RPL23A: variants seen among roughly 807,000 people sequenced by gnomAD.
RPL23A encodes large ribosomal subunit protein uL23.
In RPL23A, 2 loss-of-function variants were observed where a neutral mutation model predicts 17.6. The observed-to-expected ratio is 0.11, with a 90% confidence interval of 0.05 to 0.36. The LOEUF is 0.36. Among genes scored for constraint, RPL23A ranks in the 10% least tolerant of loss-of-function variants. The pLI, the probability that RPL23A is intolerant of heterozygous loss-of-function variation, is 1.00. For missense variants in RPL23A, 132 were observed against 194.4 expected, an observed-to-expected ratio of 0.68 and a Z score of 1.91; for synonymous variants, 65 against 74.3, an observed-to-expected ratio of 0.87 and a Z score of 0.65.
chr17:28,722,998 G>A, intron 3 of RPL23A, 99 bp downstream of exon 3: 2 of 875,066 alleles, frequency 2.3e-6, no homozygotes, highest in Non-Finnish European at 3.7e-6. Context: ...AGGTAGTCCT[G>A]GTAATGCAGG....
At chr17:28,721,098 T>C (rs559475811) in intron 2 of RPL23A, 1 of 478,640 alleles carries the variant, frequency 2.1e-6, no homozygotes, top group East Asian at 4.1e-5. Flanking sequence ...ACGTCTGTAA[T>C]CCCAGCACTT....
rs2034171444 is a variant in RPL23A at position 28,724,308 on chromosome 17, G to T, written c.*427G>T. Reference sequence around the variant, plus strand: ...CCCATCTACTATGTCCAACCGGTCTGTCTGCTTCCCTCACCCCTTGCCCAA... The same window carrying T: ...CCCATCTACTATGTCCAACCGGTCTTTCTGCTTCCCTCACCCCTTGCCCAA... On this transcript the variant is annotated 3_prime_UTR_variant, in exon 5 of 5. Transcript: ENST00000422514. 2 of 721,858 alleles carry T rather than the reference G, an allele frequency of 2.8e-6. No homozygotes were observed. The highest frequency in any genetic ancestry group is 3.5e-5 in the African/African-American group (2 of 56,776). 44.7% of individuals were successfully genotyped at this position (721,858 alleles called of 1,614,324 possible).
chr17:28,721,174 G>A (rs117326562), intron 2 of RPL23A: 6,396 of 301,236 alleles, frequency 0.021, 95 homozygotes, highest in Non-Finnish European at 0.029. Flanking sequence ...GTGACATGGA[G>A]AAACCCCGCG....
intron 1 of RPL23A, 158 bp downstream of exon 1, chr17:28,720,188 G>A: frequency 1.3e-6 from 2 of 1,530,930 alleles, no homozygotes; most frequent in Non-Finnish European, 8.8e-7. Flanking sequence ...GGGCCGCGTG[G>A]GCCCAGCCTC....
Position 28,720,837 on chromosome 17 carries a change from G to C in RPL23A, c.156G>C (p.Leu52=). ...TSPTFRRPKT[L]RLRRQPKYPR... ...CCACCTTCCGGCGGCCGAAGACACT[G>C]CGACTCCGGAGACAGCCCAAATATC... Residue 52 remains leucine, a synonymous_variant, in exon 2 of 5, where the codon CTG becomes CTC. Coordinates refer to ENST00000422514, the MANE Select transcript of RPL23A (RefSeq NM_000984.6). 1 of 1,614,122 alleles carries C rather than the reference G, an allele frequency of 6.2e-7. No homozygotes were observed. The highest frequency in any genetic ancestry group is 8.5e-7 in the Non-Finnish European group (1 of 1,179,954).
chr17:28,722,188 G>T (rs987169791), intron 2 of RPL23A, among the ~76,000 whole-genome samples: 1 of 150,520 alleles, frequency 6.6e-6, no homozygotes, highest in South Asian at 2.1e-4. Flanking sequence ...GGCGGAGCTT[G>T]CAGCGAGCCG....
At chr17:28,722,124 C>T (rs2034125654) in intron 2 of RPL23A, among the ~76,000 whole-genome samples, 1 of 148,918 alleles carries the variant, frequency 6.7e-6, no homozygotes, top group Non-Finnish European at 1.5e-5. Flanking sequence ...GCAGGCGCCG[C>T]TAGTCCCACT....
chr17:28,720,130 T>G, intron 1 of RPL23A, 100 bp downstream of exon 1: 2 of 1,528,712 alleles, frequency 1.3e-6, no homozygotes, highest in Middle Eastern at 2.3e-4. Context: ...CCCTGAGGGC[T>G]CTGCTCCGGG....
intron 1 of RPL23A, chr17:28,720,296 A>G (rs1451469076): frequency 6.5e-7 from 1 of 1,550,094 alleles, no homozygotes; most frequent in Non-Finnish European, 8.7e-7. Context: ...AGCTACATGC[A>G]TCCACTGGTT....
chr17:28,720,349 G>A, intron 1 of RPL23A: 1 of 1,552,542 alleles, frequency 6.4e-7, no homozygotes, highest in Non-Finnish European at 8.7e-7. Context: ...AGTGCCCTCA[G>A]CTTTAACCAT....
intron 2 of RPL23A, chr17:28,721,145 G>C: frequency 2.6e-6 from 1 of 377,954 alleles, no homozygotes; most frequent in Non-Finnish European, 5.0e-6. Context: ...TTGAGGTCAG[G>C]GGTTCGAGAC....
At chr17:28,720,988 T>C in intron 2 of RPL23A, 98 bp downstream of exon 2, 1 of 1,016,108 alleles carries the variant, frequency 9.8e-7, no homozygotes, top group African/African-American at 1.6e-5. Flanking sequence ...CAAACGCAAA[T>C]TGTGTCCAGT....
At position 28,724,314 on chromosome 17, in the gene RPL23A, T is replaced by C; in HGVS notation, c.*433T>C. ...TACTATGTCCAACCGGTCTGTCTGC[T>C]TCCCTCACCCCTTGCCCAATAAAGG... is the stretch of plus-strand genomic sequence containing the variant. On this transcript the variant is annotated 3_prime_UTR_variant, in exon 5 of 5. Coordinates refer to ENST00000422514, the MANE Select transcript of RPL23A (RefSeq NM_000984.6). 1 of 748,382 alleles carries C rather than the reference T, an allele frequency of 1.3e-6. No individual in the cohort carries two copies. The highest frequency in any genetic ancestry group is 2.2e-6 in the Non-Finnish European group (1 of 453,042). 46.4% of individuals were successfully genotyped at this position (748,382 alleles called of 1,614,324 possible).
chr17:28,723,735 A>T (rs1220335293), intron 4 of RPL23A, 95 bp downstream of exon 4: 6 of 1,385,088 alleles, frequency 4.3e-6, no homozygotes, highest in Non-Finnish European at 6.2e-6. Flanking sequence ...CTGATTAGTC[A>T]TAATTAACTG....
At position 28,724,359 on chromosome 17, in the gene RPL23A, A is replaced by C. The variant is rs2151726099; in HGVS notation, c.*478A>C. ...TAAAGGACAAGGACTTCAGAGGAGT[A>C]CTTTCATTAGTGTTTTCAATAGTGT... On this transcript the variant is annotated 3_prime_UTR_variant, in exon 5 of 5. Coordinates refer to ENST00000422514, the MANE Select transcript of RPL23A (RefSeq NM_000984.6). 1.0e-6 allele frequency: 1 copy of C among 993,596 alleles called. No homozygotes were observed. Among genetic ancestry groups the C allele is most frequent in the African/African-American group, 1.6e-5 (1 of 61,920 alleles). The allele number at this position is 993,596 out of a possible 1,614,324, so 61.5% of individuals were successfully genotyped here.
intron 3 of RPL23A, among the ~76,000 whole-genome samples, chr17:28,723,105 GC>G (rs978232176): frequency 2.1e-4 from 30 of 145,986 alleles, no homozygotes; most frequent in Non-Finnish European, 5.9e-5. Flanking sequence ...ACCAAGCAAG[GC>G]CCTTTTTAAA....
Position 28,724,146 on chromosome 17 carries a change from A to G in RPL23A, c.*265A>G, listed in dbSNP as rs1597798606. The G allele has an allele frequency of 3.9e-6, 2 of 507,710 alleles. No individual in the cohort carries two copies. Among genetic ancestry groups the G allele is most frequent in the South Asian group, 3.3e-5 (1 of 30,616 alleles). 31.5% of individuals were successfully genotyped at this position (507,710 alleles called of 1,614,324 possible). On this transcript the variant is annotated 3_prime_UTR_variant, in exon 5 of 5. Transcript: ENST00000422514. Reference sequence around the variant, plus strand: ...CAGAACTTGCCTCCATGGTTGAGTAACAAGCTGTACAAGAACCCCTTTTAT... The same window carrying G: ...CAGAACTTGCCTCCATGGTTGAGTAGCAAGCTGTACAAGAACCCCTTTTAT...
intron 1 of RPL23A, chr17:28,720,319 C>A (rs1379308421): frequency 1.9e-6 from 3 of 1,550,526 alleles, no homozygotes; most frequent in African/African-American, 1.4e-5. Flanking sequence ...AGCTCCATGT[C>A]CCCGGGCCTG....
Position 28,720,872 on chromosome 17 carries a change from G to C in RPL23A, c.191G>C (p.Ser64Thr), listed in dbSNP as rs2034102127. Residue 64 changes from serine to threonine, a missense_variant, in exon 2 of 5, where the codon AGC becomes ACC. Ser to Thr is a moderately conservative substitution (Grantham distance 58). Coordinates refer to ENST00000422514, the MANE Select transcript of RPL23A (RefSeq NM_000984.6). ...LRRQPKYPRK[S>T]APRRNKLDHY... ...AGACAGCCCAAATATCCTCGGAAGA[G>C]CGCTCCCAGGAGAAACAAGTCAGTA... is the stretch of plus-strand genomic sequence containing the variant. 1 of 1,613,938 alleles carries C rather than the reference G, an allele frequency of 6.2e-7. No homozygotes were observed. The highest frequency in any genetic ancestry group is 1.1e-5 in the South Asian group (1 of 91,086).
Sources: allele counts gnomAD v4.1 joint callset (sites outside exome capture counted in the v4.1 genomes callset), GRCh38; gene constraint gnomAD v4.1.1; transcripts MANE v1.5; gene names NCBI Gene and HGNC (gene_info 2026-07-23, HGNC 2026-07-21).